The following MGAT5 variants were observed in gnomAD, a reference collection of about 807,000 sequenced individuals.
The protein encoded by MGAT5 is alpha-1,6-mannosylglycoprotein 6-beta-N-acetylglucosaminyltransferase A.
MGAT5 carries 30 observed loss-of-function variants against 94.3 expected under a neutral mutation model. The ratio of observed to expected loss-of-function variants is 0.32; its 90% CI spans 0.24 to 0.43. The LOEUF is 0.43. Ranked by LOEUF, MGAT5 falls within the 20% of genes least tolerant of loss-of-function variation. The pLI is 1.00. For missense variants in MGAT5, 691 were observed against 905.5 expected (o/e 0.76, Z 3.04); for synonymous variants, 310 against 322.9 (o/e 0.96, Z 0.43).
chr2:134,393,112 A>G (rs543090957), intron 10 of MGAT5, among the ~76,000 whole-genome samples: 3 of 152,378 alleles, frequency 2.0e-5, no homozygotes, highest in African/African-American at 7.2e-5. Flanking sequence ...ATAATAGGGC[A>G]GGTTTAATAT....
chr2:134,382,091 A>G (rs953184281), intron 10 of MGAT5, among the ~76,000 whole-genome samples: 1 of 152,100 alleles, frequency 6.6e-6, no homozygotes, highest in East Asian at 1.9e-4. Context: ...CCGGAGAGCC[A>G]TTAAAACCCC....
At chr2:134,121,160 G>A (rs1426224905) in intron 1 of MGAT5, among the ~76,000 whole-genome samples, 1 of 152,164 alleles carries the variant, frequency 6.6e-6, no homozygotes. Flanking sequence ...CCCCTGCCTC[G>A]CCTCAGTTGA....
intron 10 of MGAT5, among the ~76,000 whole-genome samples, chr2:134,368,715 T>C (rs987401628): frequency 1.3e-4 from 20 of 152,220 alleles, no homozygotes; most frequent in African/African-American, 4.8e-4. Context: ...TAGAACACCT[T>C]ACATTTACAG....
chr2:134,190,209 G>A (rs547320497), intron 1 of MGAT5, among the ~76,000 whole-genome samples: 35 of 152,220 alleles, frequency 2.3e-4, no homozygotes, highest in African/African-American at 7.2e-4. Flanking sequence ...GAAGTTCTTG[G>A]CCACTGAAGA....
chr2:134,366,493 C>T (rs554884934), intron 10 of MGAT5, among the ~76,000 whole-genome samples: 3 of 152,102 alleles, frequency 2.0e-5, no homozygotes, highest in Admixed American at 6.6e-5. Context: ...TTTCTTTGAC[C>T]ACGTCAGGAG....
At chr2:134,293,171 A>G (rs1481924009) in intron 2 of MGAT5, among the ~76,000 whole-genome samples, 3 of 152,216 alleles carry the variant, frequency 2.0e-5, no homozygotes, top group Non-Finnish European at 4.4e-5. Flanking sequence ...CTTTTATAAC[A>G]TGTATATGAT....
intron 1 of MGAT5, among the ~76,000 whole-genome samples, chr2:134,160,393 C>G (rs570098233): frequency 6.6e-6 from 1 of 152,298 alleles, no homozygotes; most frequent in East Asian, 1.9e-4. Context: ...AGGATGGTCT[C>G]GACCTCCTGA....
chr2:134,122,836 A>G (rs761223852), intron 1 of MGAT5, among the ~76,000 whole-genome samples: 1 of 152,254 alleles, frequency 6.6e-6, no homozygotes, highest in Non-Finnish European at 1.5e-5. Context: ...GTGAACTGCA[A>G]TGGCAGGAGG....
At chr2:134,239,939 T>A (rs1681879556) in intron 1 of MGAT5, among the ~76,000 whole-genome samples, 1 of 152,076 alleles carries the variant, frequency 6.6e-6, no homozygotes, top group Non-Finnish European at 1.5e-5. Flanking sequence ...GATGGTGAGC[T>A]TTTCTTGCCA....
At chr2:134,369,727 T>TTG (rs10526028) in intron 10 of MGAT5, among the ~76,000 whole-genome samples, 31,158 of 142,138 alleles carry the variant, frequency 0.22, 3,280 homozygotes, top group Middle Eastern at 0.36. Context: ...GGTTTTTACA[T>TTG]TGTGTGTGTG....
At chr2:134,135,879 T>A (rs1686389604) in intron 1 of MGAT5, among the ~76,000 whole-genome samples, 1 of 151,954 alleles carries the variant, frequency 6.6e-6, no homozygotes, top group Non-Finnish European at 1.5e-5. Flanking sequence ...GGCTCCCGTG[T>A]AGGTCTCTGC....
rs1167305497 is a variant in MGAT5 at position 134,208,997 on chromosome 2, C to T, written c.-142-45265C>T. 2.6e-5 allele frequency among the ~76,000 whole-genome samples: 4 copies of T among 152,158 alleles called. No individual in the cohort carries two copies. The South Asian group carries it at 8.3e-4, about 32-fold the overall frequency. On this transcript the variant is annotated intron_variant, in intron 1 of 16. Transcript: ENST00000409645. ...GTTTCCTGGTGTTCTGTTACATCAG[C>T]ATGAAGGAGGCCTTGTGCATGGGAA... is the stretch of plus-strand genomic sequence containing the variant.
intron 13 of MGAT5, among the ~76,000 whole-genome samples, chr2:134,423,815 C>T (rs1407619344): frequency 6.7e-6 from 1 of 148,162 alleles, no homozygotes; most frequent in Non-Finnish European, 1.5e-5. Flanking sequence ...TGCTTAAGTT[C>T]AATGTCTACT....
intron 1 of MGAT5, among the ~76,000 whole-genome samples, chr2:134,237,025 TC>T (rs1407269922): frequency 6.6e-6 from 1 of 152,198 alleles, no homozygotes; most frequent in East Asian, 1.9e-4. Context: ...TTGATATCTT[TC>T]TAAACTAACA....
At chr2:134,335,382 T>C (rs947198778) in intron 4 of MGAT5, among the ~76,000 whole-genome samples, 2 of 152,234 alleles carry the variant, frequency 1.3e-5, no homozygotes, top group African/African-American at 2.4e-5. Flanking sequence ...TCAAATTTTA[T>C]GGCTAGTTTT....
intron 2 of MGAT5, among the ~76,000 whole-genome samples, chr2:134,304,287 A>G (rs1294590782): frequency 6.6e-6 from 1 of 152,140 alleles, no homozygotes; most frequent in African/African-American, 2.4e-5. Context: ...TATGTATTTA[A>G]CAGTTGCTCT....
intron 2 of MGAT5, among the ~76,000 whole-genome samples, chr2:134,277,317 TG>T (rs1229662200): frequency 3.3e-5 from 5 of 152,118 alleles, no homozygotes; most frequent in Admixed American, 6.5e-5. Flanking sequence ...TACCTGAGAC[TG>T]GGTAATTTAT....
At chr2:134,435,787 A>G (rs1191852417) in intron 14 of MGAT5, among the ~76,000 whole-genome samples, 1 of 152,238 alleles carries the variant, frequency 6.6e-6, no homozygotes, top group Non-Finnish European at 1.5e-5. Flanking sequence ...GTATTTGTTC[A>G]AAGAATGAAG....
intron 1 of MGAT5, among the ~76,000 whole-genome samples, chr2:134,151,867 A>G (rs1687207568): frequency 9.8e-6 from 1 of 101,780 alleles, no homozygotes; most frequent in Non-Finnish European, 1.9e-5. Flanking sequence ...CCGCCATGGG[A>G]CCTCACTCAC....
Sources: gnomAD v4.1 joint callset for allele counts (sites outside exome capture counted in the v4.1 genomes callset) on GRCh38, gnomAD v4.1.1 for gene constraint, MANE v1.5 for transcripts, NCBI Gene and HGNC (gene_info 2026-07-23, HGNC 2026-07-21) for gene names.